MMS22L: variants seen among roughly 807,000 people sequenced by gnomAD.
MMS22L encodes protein MMS22-like.
In MMS22L, 74 loss-of-function variants were observed where a neutral mutation model predicts 159.1. The ratio of observed to expected loss-of-function variants is 0.47; its 90% CI spans 0.39 to 0.56. The LOEUF (loss-of-function observed/expected upper bound fraction) is 0.56, where lower values mean the gene tolerates loss of function less well. MMS22L is among the 20% of genes least tolerant of loss of function. The probability of loss-of-function intolerance (pLI) is 0.00; values close to 1 mark genes in which losing one functional copy is unlikely to be tolerated. For missense variants in MMS22L, 1,351 were observed against 1,422.1 expected (o/e 0.95, Z 0.80); for synonymous variants, 517 against 506.9 (o/e 1.02, Z -0.27).
chr6:97,150,133 T>G, intron 23 of MMS22L, 113 bp from the exon 24 acceptor site: 1 of 747,104 alleles, frequency 1.3e-6, no homozygotes, highest in Admixed American at 3.2e-5. Flanking sequence ...CATAAAAGTT[T>G]ACTGTAAGAA....
chr6:97,272,163 T>C (rs1221968216), intron 6 of MMS22L: 2 of 152,154 alleles, frequency 1.3e-5, no homozygotes, highest in Non-Finnish European at 2.9e-5. Context: ...GGTAACAATA[T>C]AAAGTTTTAA....
chr6:97,142,836 T>C lies in MMS22L; in HGVS notation c.*3970A>G, dbSNP rs570627616. 3.3e-5 allele frequency: 5 copies of C among 152,290 alleles called. No individual in the cohort carries two copies. In the East Asian group the frequency reaches 9.6e-4, roughly 29 times the overall value. 9.4% of individuals were successfully genotyped at this position (152,290 alleles called of 1,614,324 possible). A position where few individuals can be genotyped will look rare whatever the true frequency, so the allele number is the denominator to read the frequency against. On this transcript the variant is annotated 3_prime_UTR_variant, in exon 25 of 25. Transcript: ENST00000683635. ...ACAAGGTAGTTTAAAAAATGTGTTG[T>C]AAAGCATGGAAGAAAATAATAATAG... is the stretch of plus-strand genomic sequence containing the variant.
At chr6:97,166,474 A>G (rs1802968363) in intron 20 of MMS22L, among the ~76,000 whole-genome samples, 2 of 152,170 alleles carry the variant, frequency 1.3e-5, no homozygotes. Context: ...TACAGCTGTT[A>G]AAACTGTACC....
chr6:97,265,251 CGG>C (rs973858600), intron 8 of MMS22L: 3 of 152,078 alleles, frequency 2.0e-5, no homozygotes, highest in African/African-American at 7.2e-5. Context: ...GAGCATGACA[CGG>C]GGAAAGGACA....
At chr6:97,159,124 A>G (rs1411610147) in intron 22 of MMS22L, among the ~76,000 whole-genome samples, 1 of 118,292 alleles carries the variant, frequency 8.5e-6, no homozygotes, top group African/African-American at 3.6e-5. Context: ...TAGGACTGCA[A>G]CCCCTGATTT....
In MMS22L at chr6:97,145,388, C is replaced by T. The variant is rs1452826776; in HGVS notation, c.*1418G>A. On this transcript the variant is annotated 3_prime_UTR_variant, in exon 25 of 25. Transcript: ENST00000683635. Reference sequence around the variant, plus strand: ...AAAGTATTTCATTTTTAAAGATACTCCTTGAGCCAGAGAAGGGTTGAAATG... The same window carrying T: ...AAAGTATTTCATTTTTAAAGATACTTCTTGAGCCAGAGAAGGGTTGAAATG... 1 of 152,096 alleles carries T rather than the reference C, an allele frequency of 6.6e-6. No homozygotes were observed. The highest frequency in any genetic ancestry group is 1.5e-5 in the Non-Finnish European group (1 of 68,008). 9.4% of individuals were successfully genotyped at this position (152,096 alleles called of 1,614,324 possible). A position where few individuals can be genotyped will look rare whatever the true frequency, so the allele number is the denominator to read the frequency against.
chr6:97,154,730 A>G (rs940770519), intron 22 of MMS22L, among the ~76,000 whole-genome samples: 9 of 152,048 alleles, frequency 5.9e-5, no homozygotes, highest in African/African-American at 1.9e-4. Flanking sequence ...TTGTCTTGGC[A>G]CTCTTGTCAA....
At chr6:97,276,730 C>G (rs7740726) in intron 4 of MMS22L, among the ~76,000 whole-genome samples, 2,681 of 152,276 alleles carry the variant, frequency 0.018, 83 homozygotes, top group African/African-American at 0.061. Flanking sequence ...AATCTTTTGC[C>G]TAGCTAATTT....
chr6:97,281,875 C>T (rs1816781430), intron 2 of MMS22L, among the ~76,000 whole-genome samples: 3 of 152,106 alleles, frequency 2.0e-5, no homozygotes, highest in Non-Finnish European at 2.9e-5. Flanking sequence ...TATGTACCTG[C>T]CCAAGGCAAA....
intron 16 of MMS22L, among the ~76,000 whole-genome samples, chr6:97,180,581 AAC>A (rs1166817421): frequency 1.3e-5 from 2 of 152,214 alleles, no homozygotes; most frequent in Non-Finnish European, 2.9e-5. Context: ...AATGAAGAAG[AAC>A]ACAGACTGGT....
At chr6:97,259,599 A>C (rs977903896) in intron 9 of MMS22L, 2 of 152,044 alleles carry the variant, frequency 1.3e-5, no homozygotes, top group African/African-American at 4.8e-5. Context: ...GAGACTGGAA[A>C]CTATACCATC....
chr6:97,184,799 T>C (rs1381296793), intron 15 of MMS22L, among the ~76,000 whole-genome samples: 1 of 152,144 alleles, frequency 6.6e-6, no homozygotes, highest in Non-Finnish European at 1.5e-5. Context: ...TTCCTATAAG[T>C]CTAGCCTCAA....
intron 15 of MMS22L, among the ~76,000 whole-genome samples, chr6:97,185,535 G>C (rs1187541065): frequency 6.6e-6 from 1 of 152,112 alleles, no homozygotes; most frequent in African/African-American, 2.4e-5. Context: ...ATTAATGACT[G>C]CTTAAACTGG....
intron 15 of MMS22L, 76 bp from the exon 16 acceptor site, chr6:97,182,130 T>A: frequency 8.5e-7 from 1 of 1,182,094 alleles, no homozygotes; most frequent in Non-Finnish European, 1.2e-6. Flanking sequence ...CCTGGCCAAT[T>A]ATAACAAGTG....
At chr6:97,221,347 C>T (rs1562474425) in intron 14 of MMS22L, among the ~76,000 whole-genome samples, 1 of 151,970 alleles carries the variant, frequency 6.6e-6, no homozygotes, top group African/African-American at 2.4e-5. Flanking sequence ...ATACTAATTC[C>T]TATGCGTGAA....
intron 14 of MMS22L, among the ~76,000 whole-genome samples, chr6:97,220,581 A>T (rs1406935299): frequency 1.3e-5 from 2 of 152,106 alleles, no homozygotes; most frequent in East Asian, 3.8e-4. Context: ...AAGTAGTATT[A>T]ATGTTTTAAA....
chr6:97,249,165 T>A (rs1289569480), intron 10 of MMS22L, among the ~76,000 whole-genome samples: 1 of 152,158 alleles, frequency 6.6e-6, no homozygotes, highest in Non-Finnish European at 1.5e-5. Flanking sequence ...ATAAAAATTA[T>A]GAACATTGAG....
chr6:97,224,854 A>C (rs1810052135), intron 14 of MMS22L, among the ~76,000 whole-genome samples: 1 of 152,056 alleles, frequency 6.6e-6, no homozygotes, highest in African/African-American at 2.4e-5. Flanking sequence ...ACCACTACAC[A>C]ATATATGCAT....
At chr6:97,238,919 CA>C (rs367852378) in intron 11 of MMS22L, among the ~76,000 whole-genome samples, 16 of 29,160 alleles carry the variant, frequency 5.5e-4, no homozygotes, top group Non-Finnish European at 6.6e-4. Flanking sequence ...GACTCCATCT[CA>C]AAAAAAAAAA....
Sources: gnomAD v4.1 joint callset for allele counts (sites outside exome capture counted in the v4.1 genomes callset) on GRCh38, gnomAD v4.1.1 for gene constraint, MANE v1.5 for transcripts, NCBI Gene and HGNC (gene_info 2026-07-23, HGNC 2026-07-21) for gene names.